Variants in RBMS3 observed in about 807,000 individuals in gnomAD.
RBMS3 encodes RNA binding motif single stranded interacting protein 3.
RBMS3 carries 27 observed loss-of-function variants against 66.8 expected under a neutral mutation model. The observed-to-expected ratio is 0.40, with a 90% CI of 0.30 to 0.56. The LOEUF is 0.56. Ranked by LOEUF, RBMS3 falls within the 20% of genes least tolerant of loss-of-function variation. The pLI is 0.40. For missense variants in RBMS3, 513 were observed against 549.5 expected (o/e 0.93, Z 0.66); for synonymous variants, 188 against 183.0 (o/e 1.03, Z -0.22).
chr3:29,837,844 G>A (rs2058564331), intron 6 of RBMS3, among the ~76,000 whole-genome samples: 1 of 150,964 alleles, frequency 6.6e-6, no homozygotes, highest in South Asian at 2.1e-4. Context: ...CATACTTCCA[G>A]AGTTCTTCTA....
At chr3:29,750,496 A>G (rs1405383804) in intron 5 of RBMS3, among the ~76,000 whole-genome samples, 1 of 152,208 alleles carries the variant, frequency 6.6e-6, no homozygotes, top group Non-Finnish European at 1.5e-5. Context: ...TAAGAATCTC[A>G]TATAATTTTG....
At chr3:29,887,456 C>T (rs1241481306) in intron 8 of RBMS3, among the ~76,000 whole-genome samples, 4 of 151,680 alleles carry the variant, frequency 2.6e-5, no homozygotes, top group Non-Finnish European at 5.9e-5. Flanking sequence ...AGGCTCATCC[C>T]CCTTTGCTTG....
intron 11 of RBMS3, among the ~76,000 whole-genome samples, chr3:29,939,228 A>G (rs2061336017): frequency 6.6e-6 from 1 of 152,016 alleles, no homozygotes; most frequent in Non-Finnish European, 1.5e-5. Context: ...TCAAGTTCAA[A>G]CAAAAACCCT....
chr3:29,822,725 C>T (rs1037833627), intron 6 of RBMS3, among the ~76,000 whole-genome samples: 1 of 152,044 alleles, frequency 6.6e-6, no homozygotes, highest in African/African-American at 2.4e-5. Context: ...ATTTGATTTC[C>T]CATTACTGAT....
At chr3:29,783,542 G>A (rs532724524) in intron 6 of RBMS3, among the ~76,000 whole-genome samples, 12 of 152,066 alleles carry the variant, frequency 7.9e-5, no homozygotes, top group African/African-American at 2.9e-4. Context: ...ACTGTTAAAG[G>A]GAGCTCTAAA....
At chr3:29,771,426 T>G (rs1199259167) in intron 6 of RBMS3, among the ~76,000 whole-genome samples, 1 of 151,952 alleles carries the variant, frequency 6.6e-6, no homozygotes, top group Non-Finnish European at 1.5e-5. Context: ...CCAATATCAT[T>G]TGTTAAATAA....
chr3:30,008,085 A>C lies in RBMS3; in HGVS notation c.*4223A>C, dbSNP rs1002529219. 2.6e-5 allele frequency: 4 copies of C among 151,946 alleles called. No individual in the cohort carries two copies. Among genetic ancestry groups the C allele is most frequent in the African/African-American group, 4.8e-5 (2 of 41,384 alleles). 9.4% of individuals were successfully genotyped at this position (151,946 alleles called of 1,614,324 possible). On this transcript the variant is annotated 3_prime_UTR_variant, in exon 15 of 15. Transcript: ENST00000383767. ...TCCAAAAAAGTAATTTTTTTTTCCC[A>C]AAAAAACCTCTTTATTTAAATAATT... is the stretch of plus-strand genomic sequence containing the variant.
At chr3:29,788,419 G>A (rs1247625587) in intron 6 of RBMS3, among the ~76,000 whole-genome samples, 1 of 151,894 alleles carries the variant, frequency 6.6e-6, no homozygotes, top group Non-Finnish European at 1.5e-5. Flanking sequence ...TAGAGACGGG[G>A]TTTCATTGTG....
intron 14 of RBMS3, among the ~76,000 whole-genome samples, chr3:29,993,575 A>G (rs2125380590): frequency 6.6e-6 from 1 of 152,294 alleles, no homozygotes; most frequent in East Asian, 1.9e-4. Flanking sequence ...CTTCCATCCA[A>G]TCAGTTAGTT....
intron 8 of RBMS3, among the ~76,000 whole-genome samples, chr3:29,886,686 A>G (rs1232231446): frequency 6.6e-6 from 1 of 151,804 alleles, no homozygotes; most frequent in African/African-American, 2.4e-5. Flanking sequence ...TTTACTTCAT[A>G]AGCCTGGGGA....
intron 4 of RBMS3, among the ~76,000 whole-genome samples, chr3:29,634,056 G>A: frequency 6.6e-6 from 1 of 151,774 alleles, no homozygotes; most frequent in Non-Finnish European, 1.5e-5. Flanking sequence ...TATATCATCA[G>A]AATAACTAAA....
At chr3:29,642,046 T>C (rs1444727235) in intron 4 of RBMS3, among the ~76,000 whole-genome samples, 1 of 152,090 alleles carries the variant, frequency 6.6e-6, no homozygotes, top group African/African-American at 2.4e-5. Context: ...CCAGTTCCAC[T>C]TGTTAAAAGC....
chr3:29,759,721 C>G (rs533398825), intron 5 of RBMS3, among the ~76,000 whole-genome samples: 2 of 149,722 alleles, frequency 1.3e-5, no homozygotes, highest in East Asian at 2.0e-4. Context: ...CCTCCCCCCC[C>G]AGAGCTTTCT....
intron 4 of RBMS3, among the ~76,000 whole-genome samples, chr3:29,695,970 A>AG (rs1253166867): frequency 6.6e-6 from 1 of 152,184 alleles, no homozygotes; most frequent in East Asian, 1.9e-4. Flanking sequence ...GGGTAAGGCC[A>AG]GGGGGGTCAC....
intron 14 of RBMS3, among the ~76,000 whole-genome samples, chr3:29,997,925 C>A (rs1342469233): frequency 6.6e-6 from 1 of 152,168 alleles, no homozygotes; most frequent in East Asian, 1.9e-4. Flanking sequence ...CCAGGGCAAT[C>A]AGCCAGGAGA....
At chr3:29,677,417 A>G (rs1440460021) in intron 4 of RBMS3, among the ~76,000 whole-genome samples, 1 of 152,072 alleles carries the variant, frequency 6.6e-6, no homozygotes, top group African/African-American at 2.4e-5. Flanking sequence ...CTGCAACAAA[A>G]TTTTTCTAAA....
At chr3:29,841,041 TAA>T (rs2058651149) in intron 6 of RBMS3, among the ~76,000 whole-genome samples, 1 of 151,582 alleles carries the variant, frequency 6.6e-6, no homozygotes, top group Non-Finnish European at 1.5e-5. Flanking sequence ...TCTGCCAAGG[TAA>T]AAGTTAGACA....
intron 1 of RBMS3, among the ~76,000 whole-genome samples, chr3:29,329,282 G>A (rs2035515219): frequency 6.6e-6 from 1 of 152,056 alleles, no homozygotes; most frequent in African/African-American, 2.4e-5. Context: ...TACAAGTGTT[G>A]TAAGTATATG....
intron 4 of RBMS3, among the ~76,000 whole-genome samples, chr3:29,656,650 G>A (rs2050337597): frequency 6.6e-6 from 1 of 152,178 alleles, no homozygotes; most frequent in Non-Finnish European, 1.5e-5. Context: ...TAGCAGGTGT[G>A]TGTGGGAAAT....
Sources: allele counts gnomAD v4.1 joint callset (sites outside exome capture counted in the v4.1 genomes callset), GRCh38; gene constraint gnomAD v4.1.1; transcripts MANE v1.5; gene names NCBI Gene and HGNC (gene_info 2026-07-23, HGNC 2026-07-21).